Variants in SCYL2 observed in about 807,000 individuals in gnomAD.
SCYL2 encodes SCY1-like protein 2.
In SCYL2, 36 loss-of-function variants were observed where a neutral mutation model predicts 100.4. The ratio of observed to expected loss-of-function variants is 0.36; its 90% CI spans 0.27 to 0.47. The LOEUF (loss-of-function observed/expected upper bound fraction) is 0.47. SCYL2 is among the 20% of genes least tolerant of loss of function. The pLI is 1.00. For synonymous variants in SCYL2, 330 were observed against 359.2 expected (o/e 0.92, Z 0.92); for missense variants, 902 against 1,083.9 (o/e 0.83, Z 2.36).
At chr12:100,312,343 C>A (rs187054994) in intron 5 of SCYL2, 89 bp from the exon 6 acceptor site, 68 of 981,962 alleles carry the variant, frequency 6.9e-5, no homozygotes. Flanking sequence ...CTTGCATGAC[C>A]GAGTAGAAAT....
At chr12:100,291,173 A>C (rs970210283) in intron 2 of SCYL2, among the ~76,000 whole-genome samples, 1 of 152,216 alleles carries the variant, frequency 6.6e-6, no homozygotes, top group African/African-American at 2.4e-5. Context: ...TGTAAGTTAC[A>C]TTTTAAATTT....
At chr12:100,300,291 A>C (rs1262670311) in intron 4 of SCYL2, among the ~76,000 whole-genome samples, 1 of 152,180 alleles carries the variant, frequency 6.6e-6, no homozygotes, top group East Asian at 1.9e-4. Context: ...TTATCTTGTC[A>C]TTCTCTTAGC....
chr12:100,298,637 CCTCCCTGCAACCTCCAG>C (rs1378974110), intron 4 of SCYL2, among the ~76,000 whole-genome samples: 3 of 152,094 alleles, frequency 2.0e-5, no homozygotes, highest in Non-Finnish European at 2.9e-5. Context: ...GCAACCTCCA[CCTCCCTGCAACCTCCAG>C]CTCCCTGCAA....
chr12:100,299,513 C>G (rs1336154999), intron 4 of SCYL2, among the ~76,000 whole-genome samples: 4 of 152,138 alleles, frequency 2.6e-5, no homozygotes, highest in Non-Finnish European at 5.9e-5. Flanking sequence ...TCCCTGTCCC[C>G]TTTTCCTTGC....
chr12:100,273,226 G>A (rs1207662197), intron 1 of SCYL2, among the ~76,000 whole-genome samples: 3 of 151,962 alleles, frequency 2.0e-5, no homozygotes, highest in Admixed American at 6.6e-5. Flanking sequence ...TTTTTCTTCA[G>A]CTTTTAACTG....
intron 5 of SCYL2, 94 bp from the exon 6 acceptor site, chr12:100,312,338 A>C: frequency 1.1e-6 from 1 of 950,982 alleles, no homozygotes; most frequent in Non-Finnish European, 1.6e-6. Flanking sequence ...TTTTACTTGC[A>C]TGACCGAGTA....
At chr12:100,288,264 A>G (rs1380454752) in intron 2 of SCYL2, among the ~76,000 whole-genome samples, 1 of 152,214 alleles carries the variant, frequency 6.6e-6, no homozygotes, top group Admixed American at 6.5e-5. Flanking sequence ...CTTATCTTTG[A>G]TAAGTAAAAC....
chr12:100,270,277 G>A (rs184410672), intron 1 of SCYL2, among the ~76,000 whole-genome samples: 55 of 152,186 alleles, frequency 3.6e-4, no homozygotes, highest in Non-Finnish European at 6.0e-4. Flanking sequence ...GTGAGCCACC[G>A]CGCCTGGCCG....
chr12:100,328,546 G>T (rs1592967999), intron 12 of SCYL2, among the ~76,000 whole-genome samples: 1 of 152,054 alleles, frequency 6.6e-6, no homozygotes, highest in African/African-American at 2.4e-5. Flanking sequence ...GAATAATGGG[G>T]GATGGTATTT....
Position 100,315,535 on chromosome 12 carries a change from TAAAAAACA to T in SCYL2, c.1096-22_1096-15del. 1 of 1,543,870 alleles carries T rather than the reference TAAAAAACA, an allele frequency of 6.5e-7. No individual in the cohort carries two copies. Among genetic ancestry groups the T allele is most frequent in the Admixed American group, 2.0e-5 (1 of 48,802 alleles). On this transcript the variant is annotated splice_polypyrimidine_tract_variant and intron_variant, in intron 8 of 17. Coordinates refer to ENST00000360820, the MANE Select transcript of SCYL2 (RefSeq NM_017988.6). ...CCTTTAATAAATTTTATTTTTTTTT[TAAAAAACA>T]TTTTTGCCTTTCAGCGTGTCATTGT...
chr12:100,331,380 G>T (rs1173947526), intron 13 of SCYL2, among the ~76,000 whole-genome samples: 1 of 152,142 alleles, frequency 6.6e-6, no homozygotes, highest in Non-Finnish European at 1.5e-5. Context: ...GGGAAGGGTA[G>T]GTGGATCACT....
chr12:100,316,158 C>T (rs2096348449), intron 9 of SCYL2, among the ~76,000 whole-genome samples: 1 of 152,158 alleles, frequency 6.6e-6, no homozygotes, highest in Non-Finnish European at 1.5e-5. Flanking sequence ...TGTTTCTCTC[C>T]ATTTTATTGC....
chr12:100,303,133 A>C (rs1013565296), intron 4 of SCYL2, among the ~76,000 whole-genome samples: 12 of 152,062 alleles, frequency 7.9e-5, no homozygotes, highest in South Asian at 2.1e-4. Flanking sequence ...TAAACTGGTT[A>C]TTCTAGTTAG....
intron 4 of SCYL2, among the ~76,000 whole-genome samples, chr12:100,309,461 G>C (rs141830014): frequency 6.6e-5 from 10 of 152,076 alleles, no homozygotes; most frequent in African/African-American, 2.4e-4. Flanking sequence ...TAGGTACTTC[G>C]TGTAAGTGGA....
chr12:100,335,701 A>T lies in SCYL2; in HGVS notation c.1929+10A>T, dbSNP rs1185369606. On this transcript the variant is annotated intron_variant, in intron 15 of 17. Transcript: ENST00000360820. ...AAATATTGGGAATCAGGTAAGAAGCAGCTTAATTTTTGCAGAAAGTATGCT... is the reference window on the plus strand; with the variant it reads ...AAATATTGGGAATCAGGTAAGAAGCTGCTTAATTTTTGCAGAAAGTATGCT... 1.2e-6 allele frequency: 2 copies of T among 1,609,046 alleles called. No homozygotes were observed. The highest frequency in any genetic ancestry group is 8.5e-7 in the Non-Finnish European group (1 of 1,176,830).
intron 3 of SCYL2, among the ~76,000 whole-genome samples, chr12:100,293,604 T>C (rs2096313208): frequency 6.6e-6 from 1 of 151,664 alleles, no homozygotes; most frequent in South Asian, 2.1e-4. Flanking sequence ...CATAGGACAA[T>C]AGTGGAGGGA....
At chr12:100,308,296 A>G (rs1327522056) in intron 4 of SCYL2, among the ~76,000 whole-genome samples, 1 of 152,224 alleles carries the variant, frequency 6.6e-6, no homozygotes, top group East Asian at 1.9e-4. Context: ...ACCATGGAAT[A>G]CTATGCAGCC....
chr12:100,321,075 A>G (rs2096355271), intron 10 of SCYL2, among the ~76,000 whole-genome samples: 1 of 152,294 alleles, frequency 6.6e-6, no homozygotes, highest in East Asian at 1.9e-4. Context: ...AGCAGGGACC[A>G]CAGGAACATA....
chr12:100,297,938 A>C, intron 3 of SCYL2, 93 bp from the exon 4 acceptor site: 1 of 974,846 alleles, frequency 1.0e-6, no homozygotes. Context: ...CTTCTTATTG[A>C]TAGTTTAATA....
Sources: gnomAD v4.1 joint callset for allele counts (sites outside exome capture counted in the v4.1 genomes callset) on GRCh38, gnomAD v4.1.1 for gene constraint, MANE v1.5 for transcripts, NCBI Gene and HGNC (gene_info 2026-07-23, HGNC 2026-07-21) for gene names.